Variants in LDLRAP1 observed in about 807,000 individuals in gnomAD.
LDLRAP1 encodes low density lipoprotein receptor adaptor protein 1.
A neutral mutation model predicts 37.8 loss-of-function variants in LDLRAP1; 30 were observed. The ratio of observed to expected loss-of-function variants is 0.79; its 90% CI spans 0.59 to 1.08. LDLRAP1 has a LOEUF of 1.08. Among genes scored for constraint, LDLRAP1 ranks in the 50% least tolerant of loss-of-function variants. The pLI, the probability that LDLRAP1 is intolerant of heterozygous loss-of-function variation, is 0.00. For missense variants in LDLRAP1, 375 were observed against 401.6 expected (o/e 0.93, Z 0.57); for synonymous variants, 156 against 169.8 (o/e 0.92, Z 0.63).
chr1:25,565,328 C>A, intron 8 of LDLRAP1, 121 bp downstream of exon 8: 2 of 1,073,196 alleles, frequency 1.9e-6, no homozygotes, highest in Non-Finnish European at 1.4e-6. Flanking sequence ...CCCTCCAGAG[C>A]AACAGTCCCA....
chr1:25,588,706 G>GC, the LDLRAP1 span, among the ~76,000 whole-genome samples: 1 of 152,058 alleles, frequency 6.6e-6, no homozygotes, highest in African/African-American at 2.4e-5. Flanking sequence ...GGTCCCCTGG[G>GC]CCCCCTTTTT....
chr1:25,578,151 C>CCTCTCT, the LDLRAP1 span, among the ~76,000 whole-genome samples: 1 of 151,488 alleles, frequency 6.6e-6, no homozygotes, highest in East Asian at 1.9e-4. Context: ...AGAGTTATTT[C>CCTCTCT]CTCTCTCTCT....
chr1:25,562,493 C>G, intron 4 of LDLRAP1, 151 bp from the exon 5 acceptor site: 1 of 692,778 alleles, frequency 1.4e-6, no homozygotes, highest in African/African-American at 1.8e-5. Flanking sequence ...CCCTGCTCTG[C>G]CCAGCAGGCA....
Position 25,544,159 on chromosome 1 carries a change from G to A in LDLRAP1, c.88+373G>A, listed in dbSNP as rs1212256628. ...GCAGGCGCTCGTCGTCGGTGCCTAG[G>A]GGAGGAGGAGAGGGCGCAGGGGCTT... On this transcript the variant is annotated intron_variant, in intron 1 of 8. Transcript: ENST00000374338. The surrounding 1 kb of genome is among the most constrained non-coding windows in gnomAD (Gnocchi z 4.8). 1.3e-5 allele frequency among the ~76,000 whole-genome samples: 2 copies of A among 152,134 alleles called. No individual in the cohort carries two copies. Among genetic ancestry groups the A allele is most frequent in the African/African-American group, 4.8e-5 (2 of 41,448 alleles).
At position 25,555,800 on chromosome 1, in the gene LDLRAP1, C is replaced by A. The variant is rs1421287391; in HGVS notation, c.344+828C>A. Among the ~76,000 whole-genome samples, 2 of 152,188 alleles carry A rather than the reference C, an allele frequency of 1.3e-5. No individual in the cohort carries two copies. The highest frequency in any genetic ancestry group is 4.8e-5 in the African/African-American group (2 of 41,444). On this transcript the variant is annotated intron_variant, in intron 3 of 8. Coordinates refer to ENST00000374338, the MANE Select transcript of LDLRAP1 (RefSeq NM_015627.3). The surrounding 1 kb of genome is among the most constrained non-coding windows in gnomAD (Gnocchi z 4.7). ...CCTGCCTTCCTTTAGTCAACAGTTT[C>A]AGATACCTATTCTGCCAACGTCTGT...
chr1:25,580,318 C>T, the LDLRAP1 span, among the ~76,000 whole-genome samples: 5 of 152,080 alleles, frequency 3.3e-5, no homozygotes, highest in African/African-American at 7.2e-5. Flanking sequence ...AATCCCAGCA[C>T]TCTGGGAGGC....
At chr1:25,577,636 C>T in the LDLRAP1 span, among the ~76,000 whole-genome samples, 1 of 152,184 alleles carries the variant, frequency 6.6e-6, no homozygotes, top group Non-Finnish European at 1.5e-5. Context: ...AGGGGAAGGG[C>T]TCCAAGCAGG....
rs2044227078 is a variant in LDLRAP1, at chr1:25,557,286, G to A, written c.459+19G>A. 6.3e-7 allele frequency: 1 copy of A among 1,586,796 alleles called. No individual in the cohort carries two copies. The highest frequency in any genetic ancestry group is 1.3e-5 in the African/African-American group (1 of 74,558). On this transcript the variant is annotated intron_variant, in intron 4 of 8. Transcript: ENST00000374338. ...GAAGATGGTCAGCGGGGAGGGCTGG[G>A]GCGGGGACAGGGTCCAGTGGCCTTG...
the LDLRAP1 span, among the ~76,000 whole-genome samples, chr1:25,577,398 T>C: frequency 1.3e-5 from 2 of 151,992 alleles, no homozygotes; most frequent in South Asian, 4.1e-4. Context: ...CCTGACCTGT[T>C]CCTTACCAGG....
chr1:25,556,207 T>G (rs1242614468), intron 3 of LDLRAP1, among the ~76,000 whole-genome samples: 11 of 151,818 alleles, frequency 7.2e-5, no homozygotes, highest in Admixed American at 7.2e-4. Flanking sequence ...GGTTGAGGGG[T>G]GAGTCTGTGG....
In LDLRAP1 at chr1:25,563,124, G is replaced by T; in HGVS notation, c.587G>T (p.Arg196Leu). Reference protein sequence around the residue: ...SQEGGDVLGARQDCTPSLKSL... With the variant: ...SQEGGDVLGALQDCTPSLKSL... Reference sequence around the variant, plus strand: ...GAGGGAGGGGACGTCCTGGGGGCCCGCCAAGACTGCACCCCCTCCTTGAAG... The same window carrying T: ...GAGGGAGGGGACGTCCTGGGGGCCCTCCAAGACTGCACCCCCTCCTTGAAG... The change falls in exon 6 of 9, where the codon CGC becomes CTC. Residue 196 changes from arginine to leucine, a missense_variant. Transcript: ENST00000374338. The T allele has an allele frequency of 6.2e-7, 1 of 1,613,970 alleles. No homozygotes were observed. The highest frequency in any genetic ancestry group is 8.5e-7 in the Non-Finnish European group (1 of 1,179,936).
chr1:25,583,610 TGTA>T, the LDLRAP1 span, among the ~76,000 whole-genome samples: 1 of 152,202 alleles, frequency 6.6e-6, no homozygotes, highest in African/African-American at 2.4e-5. Flanking sequence ...TTCCCGGATC[TGTA>T]GTTTGGTGCT....
intron 4 of LDLRAP1, chr1:25,557,480 TG>T (rs2044234444): frequency 1.7e-6 from 1 of 594,428 alleles, no homozygotes; most frequent in African/African-American, 1.9e-5. Context: ...CAGCTTTGTG[TG>T]GGCAGTAGCT....
At chr1:25,573,126 C>A (rs1389472709), downstream of LDLRAP1, among the ~76,000 whole-genome samples, 1 of 152,024 alleles carries the variant, frequency 6.6e-6, no homozygotes, top group Non-Finnish European at 1.5e-5. Flanking sequence ...TGGGGAAGAC[C>A]AGTTTCTCCC....
At chr1:25,558,637 A>G (rs2044267882) in intron 4 of LDLRAP1, among the ~76,000 whole-genome samples, 3 of 152,070 alleles carry the variant, frequency 2.0e-5, no homozygotes. Context: ...CCAGCAATGT[A>G]GCATCTTCTG....
At position 25,543,685 on chromosome 1, in the gene LDLRAP1, G is replaced by T. The variant is rs1374132530; in HGVS notation, c.-14G>T. On this transcript the variant is annotated 5_prime_UTR_variant, in exon 1 of 9. Transcript: ENST00000374338. ...TTTTGGCTGCGGCAGCGGCGGCGGC[G>T]GCCGGAGCGGGCCATGGACGCGCTC... 3 of 1,213,740 alleles carry T rather than the reference G, an allele frequency of 2.5e-6. No homozygotes were observed. The highest frequency in any genetic ancestry group is 3.1e-6 in the Non-Finnish European group (3 of 976,600). 75.2% of individuals were successfully genotyped at this position (1,213,740 alleles called of 1,614,324 possible).
intron 4 of LDLRAP1, among the ~76,000 whole-genome samples, chr1:25,557,792 T>A (rs1002315582): frequency 6.6e-6 from 1 of 152,076 alleles, no homozygotes; most frequent in Admixed American, 6.6e-5. Flanking sequence ...CGGTGCCTCC[T>A]GTGTGTGCAT....
the LDLRAP1 span, among the ~76,000 whole-genome samples, chr1:25,582,387 C>T: frequency 1.3e-5 from 2 of 151,842 alleles, no homozygotes; most frequent in African/African-American, 2.4e-5. Context: ...GAGATCGAGA[C>T]CATCCTGGCG....
At chr1:25,575,847 G>C in the LDLRAP1 span, among the ~76,000 whole-genome samples, 1 of 152,168 alleles carries the variant, frequency 6.6e-6, no homozygotes, top group Non-Finnish European at 1.5e-5. Flanking sequence ...AGGAAACTGA[G>C]GCCCAGAGAG....
Sources: allele counts gnomAD v4.1 joint callset (sites outside exome capture counted in the v4.1 genomes callset), GRCh38; gene constraint gnomAD v4.1.1; non-coding constraint Gnocchi (gnomAD v3.1); transcripts MANE v1.5; gene names NCBI Gene and HGNC (gene_info 2026-07-23, HGNC 2026-07-21).